A1CF: variants seen among roughly 807,000 people sequenced by gnomAD.
A1CF encodes APOBEC1 complementation factor, also known as APOBEC-1 stimulating protein.
A neutral mutation model predicts 68.9 loss-of-function variants in A1CF; 48 were observed. That is an observed-to-expected ratio of 0.70 (90% CI 0.55 to 0.89). The LOEUF (loss-of-function observed/expected upper bound fraction) is 0.89. A1CF is among the 40% of genes least tolerant of loss of function. The pLI is 0.00. For missense variants in A1CF, 653 were observed against 718.9 expected (o/e 0.91, Z 1.05); for synonymous variants, 272 against 260.4 (o/e 1.04, Z -0.43).
intron 6 of A1CF, among the ~76,000 whole-genome samples, chr10:50,829,360 G>A (rs891489985): frequency 3.3e-5 from 5 of 152,124 alleles, no homozygotes; most frequent in Admixed American, 1.3e-4. Flanking sequence ...TTTTTTATTC[G>A]TTATTTGGGA....
At position 50,806,669 on chromosome 10, in the gene A1CF, T is replaced by A. The variant is rs1837830845; in HGVS notation, c.*60A>T. The A allele has an allele frequency of 1.3e-6, 2 of 1,487,324 alleles. No homozygotes were observed. Among genetic ancestry groups the A allele is most frequent in the Non-Finnish European group, 1.8e-6 (2 of 1,112,764 alleles). The allele number at this position is 1,487,324 out of a possible 1,614,324, so 92.1% of individuals were successfully genotyped here. ...CATTGGGGACCGAGTTAGAGGTTTA[T>A]TTCTTTTTTTTTTTTAATAGAGTTT... On this transcript the variant is annotated 3_prime_UTR_variant, in exon 13 of 13. Transcript: ENST00000373997.
chr10:50,829,384 C>T lies in A1CF; in HGVS notation c.605-1089G>A, dbSNP rs866136931. Among the ~76,000 whole-genome samples, 64 of 152,140 alleles carry T rather than the reference C, an allele frequency of 4.2e-4. 1 individual carries two copies. The highest frequency in any genetic ancestry group is 6.8e-3 in the Middle Eastern group (2 of 294). Reference sequence around the variant, plus strand: ...CGTTATTTGGGAATAAACTTTATCCCGTAAGCAATACAAAGCTTGAGAGAA... The same window carrying T: ...CGTTATTTGGGAATAAACTTTATCCTGTAAGCAATACAAAGCTTGAGAGAA... On this transcript the variant is annotated intron_variant, in intron 6 of 12. Transcript: ENST00000373997.
chr10:50,813,627 T>A (rs1251398392), intron 10 of A1CF, among the ~76,000 whole-genome samples: 3 of 152,208 alleles, frequency 2.0e-5, no homozygotes, highest in Non-Finnish European at 4.4e-5. Flanking sequence ...GGAATATTGT[T>A]CAAGGTGTTA....
At chr10:50,852,096 C>T (rs1840274656) in intron 3 of A1CF, among the ~76,000 whole-genome samples, 1 of 152,186 alleles carries the variant, frequency 6.6e-6, no homozygotes, top group African/African-American at 2.4e-5. Flanking sequence ...CCTGCTCATG[C>T]TTCTGCATAT....
At chr10:50,819,668 A>G (rs1254092300) in intron 8 of A1CF, among the ~76,000 whole-genome samples, 1 of 152,140 alleles carries the variant, frequency 6.6e-6, no homozygotes, top group African/African-American at 2.4e-5. Flanking sequence ...TGTTCCAGCC[A>G]AGTTACTCCA....
At chr10:50,866,652 T>C (rs1841004886) in intron 1 of A1CF, among the ~76,000 whole-genome samples, 1 of 152,174 alleles carries the variant, frequency 6.6e-6, no homozygotes, top group African/African-American at 2.4e-5. Flanking sequence ...TGCTCTTTGA[T>C]TATAACCCTG....
Position 50,816,050 on chromosome 10 carries a change from C to G in A1CF, c.1097G>C (p.Gly366Ala). 6.2e-7 allele frequency: 1 copy of G among 1,613,630 alleles called. No individual in the cohort carries two copies. ...IPSLHFPATK[G>A]HLSNRAIIRA... is the part of the protein sequence containing the mutation. ...GATAATGGCTCTGTTGCTGAGATGT[C>G]CTTTGGTGGCTGGGAAATGAAGACT... The change falls in exon 9 of 13, where the codon GGA becomes GCA. Residue 366 changes from glycine to alanine, a missense_variant. Gly to Ala is a moderately conservative substitution (Grantham distance 60). Coordinates refer to ENST00000373997, the MANE Select transcript of A1CF (RefSeq NM_014576.4).
At chr10:50,879,016 T>C in intron 1 of A1CF, among the ~76,000 whole-genome samples, 1 of 152,180 alleles carries the variant, frequency 6.6e-6, no homozygotes, top group Non-Finnish European at 1.5e-5. Context: ...TCATCAAAAC[T>C]TGCTTCCCAC....
chr10:50,828,213 T>C lies in A1CF; in HGVS notation c.687A>G (p.Ser229=), dbSNP rs750933853. The C allele has an allele frequency of 1.2e-6, 2 of 1,609,554 alleles. No individual in the cohort carries two copies. Among genetic ancestry groups the C allele is most frequent in the Non-Finnish European group, 1.7e-6 (2 of 1,176,734 alleles). The part of the protein sequence containing the change: ...EVEVDEDTMS[S]VKILYVRNLM... ...GATTTCTTACATATAGGATTTTCAC[T>C]GAAGACATTGTATCTTCATCAACTT... Residue 229 remains serine, a synonymous_variant, in exon 7 of 13, where the codon TCA becomes TCG. Coordinates refer to ENST00000373997, the MANE Select transcript of A1CF (RefSeq NM_014576.4).
At chr10:50,847,306 T>C (rs1296536663) in intron 3 of A1CF, among the ~76,000 whole-genome samples, 1 of 152,226 alleles carries the variant, frequency 6.6e-6, no homozygotes, top group Non-Finnish European at 1.5e-5. Flanking sequence ...AGTCTTCACC[T>C]ATGTAAATTA....
chr10:50,872,198 T>C (rs1209780196), intron 1 of A1CF, among the ~76,000 whole-genome samples: 9 of 152,142 alleles, frequency 5.9e-5, no homozygotes, highest in Admixed American at 5.9e-4. Context: ...AGATAACATT[T>C]TTTTGCCTAT....
chr10:50,848,725 C>T (rs1202046848), intron 3 of A1CF, among the ~76,000 whole-genome samples: 1 of 152,160 alleles, frequency 6.6e-6, no homozygotes, highest in African/African-American at 2.4e-5. Context: ...TTTTTCATAA[C>T]TAAACTTGTT....
rs977828874 is a variant in A1CF at position 50,844,263 on chromosome 10, A to C, written c.100-141T>G. On this transcript the variant is annotated intron_variant, in intron 3 of 12. Coordinates refer to ENST00000373997, the MANE Select transcript of A1CF (RefSeq NM_014576.4). ...GTAATAATAGTGGACTGGTTAAAGGAGAAAAATTAAAGCTTTTTATGTGGA... is the reference window on the plus strand; with the variant it reads ...GTAATAATAGTGGACTGGTTAAAGGCGAAAAATTAAAGCTTTTTATGTGGA... 8.9e-6 allele frequency: 11 copies of C among 1,233,052 alleles called. No homozygotes were observed. The African/African-American group carries it at 1.6e-4, about 17-fold the overall frequency. 76.4% of individuals were successfully genotyped at this position (1,233,052 alleles called of 1,614,324 possible). A position where few individuals can be genotyped will look rare whatever the true frequency, so the allele number is the denominator to read the frequency against.
Position 50,884,203 on chromosome 10 carries a change from A to G in A1CF, c.-94+1378T>C, listed in dbSNP as rs140825441. ...TGAAATGACATAAAACCACCTTGGC[A>G]TTAGTGCAGTAGAAAATAAGAACAA... is the stretch of plus-strand genomic sequence containing the variant. On this transcript the variant is annotated intron_variant, in intron 1 of 12. Transcript: ENST00000373997. Among the ~76,000 whole-genome samples, 1,066 of 152,328 alleles carry G rather than the reference A, an allele frequency of 7.0e-3. 18 individuals carry two copies. The highest frequency in any genetic ancestry group is 0.024 in the African/African-American group (1,013 of 41,572).
intron 1 of A1CF, among the ~76,000 whole-genome samples, chr10:50,874,178 C>T (rs1309009581): frequency 6.6e-6 from 1 of 152,016 alleles, no homozygotes; most frequent in Admixed American, 6.6e-5. Flanking sequence ...TTCATCTGGC[C>T]CACAGATCAT....
At chr10:50,817,258 T>C (rs1297839069) in intron 8 of A1CF, among the ~76,000 whole-genome samples, 1 of 152,206 alleles carries the variant, frequency 6.6e-6, no homozygotes, top group Non-Finnish European at 1.5e-5. Context: ...AATAAGAATG[T>C]GAAGATCCTC....
At chr10:50,855,936 T>C (rs1840458659) in intron 3 of A1CF, among the ~76,000 whole-genome samples, 1 of 152,010 alleles carries the variant, frequency 6.6e-6, no homozygotes, top group South Asian at 2.1e-4. Flanking sequence ...AACTTGATGT[T>C]CTTAATGTTG....
chr10:50,815,467 T>G (rs1838319646), intron 9 of A1CF, among the ~76,000 whole-genome samples: 1 of 152,190 alleles, frequency 6.6e-6, no homozygotes, highest in Non-Finnish European at 1.5e-5. Context: ...TCTAAGAAAG[T>G]ATAACATATT....
At chr10:50,849,970 C>T (rs893727535) in intron 3 of A1CF, among the ~76,000 whole-genome samples, 1 of 151,490 alleles carries the variant, frequency 6.6e-6, no homozygotes, top group Non-Finnish European at 1.5e-5. Context: ...ATTTTTTGTA[C>T]TTTTTAGTAG....
Sources: allele counts gnomAD v4.1 joint callset (sites outside exome capture counted in the v4.1 genomes callset), GRCh38; gene constraint gnomAD v4.1.1; transcripts MANE v1.5; gene names NCBI Gene and HGNC (gene_info 2026-07-23, HGNC 2026-07-21).